Variants in ZRANB1 observed in about 807,000 individuals in gnomAD.
ZRANB1 encodes the protein ubiquitin thioesterase ZRANB1.
A neutral mutation model predicts 80.5 loss-of-function variants in ZRANB1; 16 were observed. That is an observed-to-expected ratio of 0.20 (90% CI 0.13 to 0.30). The LOEUF (loss-of-function observed/expected upper bound fraction) is 0.30, where lower values mean the gene tolerates loss of function less well. ZRANB1 is among the 10% of genes least tolerant of loss of function. ZRANB1 has a pLI of 1.00. For synonymous variants in ZRANB1, 291 were observed against 293.1 expected (o/e 0.99, Z 0.07); for missense variants, 576 against 862.6 (o/e 0.67, Z 4.16).
At chr10:124,970,931 G>A (rs930229090) in intron 2 of ZRANB1, among the ~76,000 whole-genome samples, 8 of 140,254 alleles carry the variant, frequency 5.7e-5, no homozygotes, top group Admixed American at 4.6e-4. Flanking sequence ...TCCTCCTCCC[G>A]GGTTCAAGTG....
At chr10:124,924,287 C>A in the ZRANB1 span, among the ~76,000 whole-genome samples, 465 of 150,736 alleles carry the variant, frequency 3.1e-3, no homozygotes, top group Admixed American at 5.0e-3. Context: ...CAAATCTTTC[C>A]AGTTTTTTCT....
the ZRANB1 span, among the ~76,000 whole-genome samples, chr10:124,923,453 G>T: frequency 4.0e-5 from 6 of 151,626 alleles, no homozygotes; most frequent in African/African-American, 1.5e-4. Flanking sequence ...AATTAGCTGG[G>T]CGTGGTGGTG....
the ZRANB1 span, among the ~76,000 whole-genome samples, chr10:124,928,620 C>T: frequency 2.6e-5 from 4 of 152,182 alleles, no homozygotes; most frequent in African/African-American, 9.7e-5. Flanking sequence ...AAGATGATTG[C>T]ATACAAAACA....
chr10:124,928,319 A>G, the ZRANB1 span, among the ~76,000 whole-genome samples: 2 of 152,186 alleles, frequency 1.3e-5, no homozygotes, highest in African/African-American at 4.8e-5. Context: ...CACTCTTAGC[A>G]CTTGATCCTC....
At position 124,972,364 on chromosome 10, in the gene ZRANB1, A is replaced by AT. The variant is rs575476081; in HGVS notation, c.1156+252dup. 2.7e-3 allele frequency among the ~76,000 whole-genome samples: 418 copies of AT among 152,240 alleles called. 3 individuals are homozygous for AT. Among genetic ancestry groups the AT allele is most frequent in the Middle Eastern group, 0.01 (3 of 294 alleles). On this transcript the variant is annotated intron_variant, in intron 3 of 8. Transcript: ENST00000359653. ...CGGATTTCTTTGTGGACCTCAGATT[A>AT]TTTTTTAAAAATCTGTTGTACTCTT...
At chr10:124,950,622 A>G (rs1039852524) in intron 1 of ZRANB1, among the ~76,000 whole-genome samples, 3 of 152,128 alleles carry the variant, frequency 2.0e-5, no homozygotes, top group Non-Finnish European at 4.4e-5. Flanking sequence ...AACGTGTCAT[A>G]TGGTGTCTGT....
At chr10:124,973,577 GTAAT>G (rs1951846594) in intron 3 of ZRANB1, 64 bp from the exon 4 acceptor site, 1 of 1,356,414 alleles carries the variant, frequency 7.4e-7, no homozygotes, top group South Asian at 1.3e-5. Flanking sequence ...ATTAATAAGT[GTAAT>G]TAAGTATAAG....
rs55962412 is a variant in ZRANB1, at chr10:124,954,140, G to GTTTTT, written c.814+10855_814+10859dup. Among the ~76,000 whole-genome samples, 291 of 52,532 alleles carry GTTTTT rather than the reference G, an allele frequency of 5.5e-3. 52 individuals are homozygous for GTTTTT. The highest frequency in any genetic ancestry group is 0.022 in the African/African-American group (259 of 11,938). 34.5% of individuals were successfully genotyped at this position (52,532 alleles called of 152,430 possible). A position where few individuals can be genotyped will look rare whatever the true frequency, so the allele number is the denominator to read the frequency against. ...GCACCACCATCCCCAGCTAATTCCTGTTTTTTTTTTTTTTTTTTTTTTTTT... is the reference window on the plus strand; with the variant it reads ...GCACCACCATCCCCAGCTAATTCCTGTTTTTTTTTTTTTTTTTTTTTTTTTTTTTT... On this transcript the variant is annotated intron_variant, in intron 1 of 8. Transcript: ENST00000359653.
intron 5 of ZRANB1, among the ~76,000 whole-genome samples, chr10:124,978,975 G>T (rs1951908246): frequency 6.6e-6 from 1 of 151,908 alleles, no homozygotes; most frequent in South Asian, 2.1e-4. Flanking sequence ...GAGGCTGGAG[G>T]ATTGCTTGAG....
the ZRANB1 span, among the ~76,000 whole-genome samples, chr10:124,924,721 A>G: frequency 5.9e-5 from 9 of 152,156 alleles, no homozygotes; most frequent in Admixed American, 5.2e-4. Context: ...ATTGATGGGC[A>G]TTTGGATTTT....
chr10:124,959,820 C>G (rs1379311252), intron 1 of ZRANB1, among the ~76,000 whole-genome samples: 1 of 152,192 alleles, frequency 6.6e-6, no homozygotes, highest in Non-Finnish European at 1.5e-5. Flanking sequence ...GAAGACCACA[C>G]TCACCCTAGT....
chr10:124,952,891 T>TGAGC (rs1424639493), intron 1 of ZRANB1, among the ~76,000 whole-genome samples: 1 of 152,092 alleles, frequency 6.6e-6, no homozygotes, highest in African/African-American at 2.4e-5. Flanking sequence ...ATTACAGGCG[T>TGAGC]GAGCCACCAC....
intron 5 of ZRANB1, 22 bp from the exon 6 acceptor site, chr10:124,981,687 T>A (rs750073290): frequency 6.3e-7 from 1 of 1,580,388 alleles, no homozygotes; most frequent in Non-Finnish European, 8.6e-7. Context: ...TTATTTATTT[T>A]TTTACTATCC....
At chr10:124,948,131 C>T (rs1417992221) in intron 1 of ZRANB1, among the ~76,000 whole-genome samples, 2 of 152,130 alleles carry the variant, frequency 1.3e-5, no homozygotes, top group Admixed American at 6.6e-5. Flanking sequence ...TCTTCTTCCT[C>T]CTCCCCCTCC....
chr10:124,949,584 C>T (rs765331938), intron 1 of ZRANB1, among the ~76,000 whole-genome samples: 3 of 144,844 alleles, frequency 2.1e-5, no homozygotes, highest in East Asian at 4.1e-4. Context: ...TGCAGTGGTG[C>T]GATCACAGCT....
chr10:124,983,746 G>T lies in ZRANB1; in HGVS notation c.1908+58G>T. 1 of 1,353,300 alleles carries T rather than the reference G, an allele frequency of 7.4e-7. No individual in the cohort carries two copies. Among genetic ancestry groups the T allele is most frequent in the South Asian group, 1.3e-5 (1 of 75,972 alleles). The allele number at this position is 1,353,300 out of a possible 1,614,324, so 83.8% of individuals were successfully genotyped here. On this transcript the variant is annotated intron_variant, in intron 8 of 8. Coordinates refer to ENST00000359653, the MANE Select transcript of ZRANB1 (RefSeq NM_017580.3). The surrounding 1 kb of genome is among the most constrained non-coding windows in gnomAD (Gnocchi z 6.2). ...AGTGACCTTGTACCAGAAACAGCCT[G>T]AAGTGCCTTTCAGGTGTGGTTTTAT...
At chr10:124,981,237 G>T (rs899904797) in intron 5 of ZRANB1, among the ~76,000 whole-genome samples, 5 of 152,194 alleles carry the variant, frequency 3.3e-5, no homozygotes, top group Non-Finnish European at 7.3e-5. Context: ...GATCATCAGA[G>T]AAATTATTTA....
intron 1 of ZRANB1, among the ~76,000 whole-genome samples, chr10:124,955,286 A>ACTTACTTACTGTGTT (rs1951680242): frequency 1.3e-5 from 2 of 151,172 alleles, no homozygotes; most frequent in Non-Finnish European, 2.9e-5. Flanking sequence ...CGCAGGCTAG[A>ACTTACTTACTGTGTT]GTGCAGTGGT....
intron 3 of ZRANB1, 115 bp downstream of exon 3, chr10:124,972,233 T>C: frequency 1.0e-6 from 1 of 954,160 alleles, no homozygotes; most frequent in Non-Finnish European, 1.5e-6. Context: ...TGTATGTGCA[T>C]CTTAAATTAC....
Sources: gnomAD v4.1 joint callset for allele counts (sites outside exome capture counted in the v4.1 genomes callset) on GRCh38, gnomAD v4.1.1 for gene constraint, Gnocchi (gnomAD v3.1) non-coding constraint, MANE v1.5 for transcripts, NCBI Gene and HGNC (gene_info 2026-07-23, HGNC 2026-07-21) for gene names.